The following NRROS variants were observed in gnomAD, a reference collection of about 807,000 sequenced individuals.
The protein encoded by NRROS is transforming growth factor beta activator LRRC33.
A neutral mutation model predicts 12.0 loss-of-function variants in NRROS; 6 were observed. The ratio of observed to expected loss-of-function variants is 0.50; its 90% CI spans 0.27 to 0.98. The LOEUF is 0.98. Among genes scored for constraint, NRROS ranks in the 50% least tolerant of loss-of-function variants. The pLI, the probability that NRROS is intolerant of heterozygous loss-of-function variation, is 0.11. For synonymous variants in NRROS, 462 were observed against 410.2 expected (o/e 1.13, Z -1.53); for missense variants, 857 against 888.2 (o/e 0.96, Z 0.45).
intron 1 of NRROS, among the ~76,000 whole-genome samples, chr3:196,648,766 CAAAAAAAAAA>C (rs34359599): frequency 2.7e-5 from 2 of 74,814 alleles, no homozygotes; most frequent in Non-Finnish European, 2.4e-5. Flanking sequence ...AACTCCATCT[CAAAAAAAAAA>C]AAAAAAAAAA....
intron 1 of NRROS, among the ~76,000 whole-genome samples, chr3:196,640,551 C>T (rs1268401990): frequency 6.6e-6 from 1 of 151,968 alleles, no homozygotes; most frequent in Non-Finnish European, 1.5e-5. Context: ...AGACTTAGAT[C>T]CATGGCTTAT....
chr3:196,641,171 A>T (rs1420047962), intron 1 of NRROS, among the ~76,000 whole-genome samples: 1 of 144,316 alleles, frequency 6.9e-6, no homozygotes, highest in Non-Finnish European at 1.5e-5. Context: ...AAAACAAAAC[A>T]AACTCAGCTT....
chr3:196,654,440 T>C lies in NRROS; in HGVS notation c.-13-87T>C. 2.5e-6 allele frequency: 2 copies of C among 813,196 alleles called. No individual in the cohort carries two copies. Among genetic ancestry groups the C allele is most frequent in the Admixed American group, 1.8e-5 (1 of 55,914 alleles). The allele number at this position is 813,196 out of a possible 1,614,324, so 50.4% of individuals were successfully genotyped here. On this transcript the variant is annotated intron_variant, in intron 1 of 2. Transcript: ENST00000328557. The surrounding 1 kb of genome is among the most constrained non-coding windows in gnomAD (Gnocchi z 4.4). ...CACAGAGCTCCAAGACCACATAGAATTGGAACTGGCTCCTTCTGCCGATAA... is the reference window on the plus strand; with the variant it reads ...CACAGAGCTCCAAGACCACATAGAACTGGAACTGGCTCCTTCTGCCGATAA...
At chr3:196,644,769 C>CAAAAAAAA (rs57304721) in intron 1 of NRROS, among the ~76,000 whole-genome samples, 1 of 109,204 alleles carries the variant, frequency 9.2e-6, no homozygotes, top group Non-Finnish European at 1.8e-5. Context: ...GAGACTCTGT[C>CAAAAAAAA]AAAAAAAAAA....
intron 1 of NRROS, among the ~76,000 whole-genome samples, chr3:196,640,156 C>T (rs549621406): frequency 6.6e-6 from 1 of 152,334 alleles, no homozygotes; most frequent in Non-Finnish European, 1.5e-5. Context: ...CAGATTCAGA[C>T]GTGGGTTTGA....
At position 196,643,245 on chromosome 3, in the gene NRROS, C is replaced by T. The variant is rs566264072; in HGVS notation, c.-14+3370C>T. On this transcript the variant is annotated intron_variant, in intron 1 of 2. Coordinates refer to ENST00000328557, the MANE Select transcript of NRROS (RefSeq NM_198565.3). ...GTGAGTAGGCGAAACCAACCAATTT[C>T]CAGAGCGAACGGAGTCAGGTGCTGA... Among the ~76,000 whole-genome samples the T allele has an allele frequency of 2.2e-3, 336 of 152,284 alleles. 1 individual carries two copies. Among genetic ancestry groups the T allele is most frequent in the Non-Finnish European group, 3.5e-3 (235 of 68,034 alleles).
Position 196,660,569 on chromosome 3 carries a change from A to G in NRROS, c.926A>G (p.Asn309Ser). Residue 309 changes from asparagine to serine, a missense_variant, in exon 3 of 3, where the codon AAC becomes AGC. Coordinates refer to ENST00000328557, the MANE Select transcript of NRROS (RefSeq NM_198565.3). The surrounding 1 kb of genome is among the most constrained non-coding windows in gnomAD (Gnocchi z 7.7). ...MVAQFLLVDG[N>S]VTNITTVSLW... The stretch of plus-strand genomic sequence containing the variant: ...GCCCAGTTCCTCCTCGTGGACGGCA[A>G]CGTGACCAACATCACCACCGTCAGC... 2 of 1,614,150 alleles carry G rather than the reference A, an allele frequency of 1.2e-6. No homozygotes were observed. The highest frequency in any genetic ancestry group is 1.7e-6 in the Non-Finnish European group (2 of 1,180,018).
At chr3:196,648,219 C>T (rs6807051) in intron 1 of NRROS, among the ~76,000 whole-genome samples, 4 of 152,096 alleles carry the variant, frequency 2.6e-5, no homozygotes, top group Admixed American at 6.6e-5. Flanking sequence ...CTAAATTTAC[C>T]GAGTAGTAAT....
chr3:196,647,265 C>A (rs561262150), intron 1 of NRROS, among the ~76,000 whole-genome samples: 1 of 152,292 alleles, frequency 6.6e-6, no homozygotes, highest in East Asian at 1.9e-4. Context: ...GATAAATTGG[C>A]TAAATTGTTC....
chr3:196,646,121 G>A (rs1047584848), intron 1 of NRROS, among the ~76,000 whole-genome samples: 1 of 128,996 alleles, frequency 7.8e-6, no homozygotes, highest in African/African-American at 3.5e-5. Flanking sequence ...ATTCAGTCTC[G>A]ACACAACCCT....
chr3:196,650,807 T>C (rs1303134852), intron 1 of NRROS, among the ~76,000 whole-genome samples: 1 of 152,240 alleles, frequency 6.6e-6, no homozygotes, highest in African/African-American at 2.4e-5. Flanking sequence ...AGGTTGGCTA[T>C]GGAGTAGACT....
Position 196,654,729 on chromosome 3 carries a change from C to A in NRROS, c.108+82C>A. On this transcript the variant is annotated intron_variant, in intron 2 of 2. Coordinates refer to ENST00000328557, the MANE Select transcript of NRROS (RefSeq NM_198565.3). This position sits in a 1 kb window ranked among gnomAD's most constrained non-coding sequence, Gnocchi z 4.4. The stretch of plus-strand genomic sequence containing the variant: ...CCATTTGGAAAGCTGACAGATTGTC[C>A]ATCAGGAAGGGCAGAGAATGAAGGA... 1 of 857,000 alleles carries A rather than the reference C, an allele frequency of 1.2e-6. No homozygotes were observed. Among genetic ancestry groups the A allele is most frequent in the Non-Finnish European group, 1.9e-6 (1 of 533,120 alleles). The allele number at this position is 857,000 out of a possible 1,614,324, so 53.1% of individuals were successfully genotyped here.
At chr3:196,643,864 C>A (rs1261790268) in intron 1 of NRROS, among the ~76,000 whole-genome samples, 3 of 152,180 alleles carry the variant, frequency 2.0e-5, no homozygotes, top group African/African-American at 7.2e-5. Context: ...TTCCCTCGGC[C>A]CTGCAGTGTC....
intron 1 of NRROS, among the ~76,000 whole-genome samples, chr3:196,644,788 A>AAAAG: frequency 7.6e-6 from 1 of 132,442 alleles, no homozygotes; most frequent in Non-Finnish European, 1.6e-5. Context: ...AAAAAAAAAA[A>AAAAG]AAAGAAAGAA....
chr3:196,648,184 G>GA (rs1294862289), intron 1 of NRROS, among the ~76,000 whole-genome samples: 4 of 152,088 alleles, frequency 2.6e-5, no homozygotes, highest in African/African-American at 9.7e-5. Context: ...AAAACTTACA[G>GA]AAAAGTTTAC....
At chr3:196,659,657 G>C in intron 2 of NRROS, 95 bp from the exon 3 acceptor site, 1 of 1,273,046 alleles carries the variant, frequency 7.9e-7, no homozygotes, top group South Asian at 1.5e-5. Flanking sequence ...ATCCCCGGCG[G>C]TTGCAGGGAC....
In NRROS at chr3:196,660,826, C is replaced by G. The variant is rs150316796; in HGVS notation, c.1183C>G (p.Pro395Ala). The change falls in exon 3 of 3, where the codon CCG (proline) becomes GCG (alanine). Residue 395 changes from proline to alanine, a missense_variant. By Grantham distance (27) the Pro-to-Ala change is conservative. Transcript: ENST00000328557. The surrounding 1 kb of genome is among the most constrained non-coding windows in gnomAD (Gnocchi z 7.7). The stretch of plus-strand genomic sequence containing the variant: ...CCAGCTGTCGGAGCTGCACCTGGCT[C>G]CGGGGCTGGCCAGCTGCCTGGGCAG... ...HNQLSELHLA[P>A]GLASCLGSLR... The G allele has an allele frequency of 2.4e-4, 393 of 1,613,542 alleles. No individual in the cohort carries two copies. The highest frequency in any genetic ancestry group is 3.8e-4 in the Admixed American group (23 of 60,006).
At position 196,660,552 on chromosome 3, in the gene NRROS, C is replaced by T; in HGVS notation, c.909C>T (p.Phe303=). 1.2e-6 allele frequency: 2 copies of T among 1,614,144 alleles called. No homozygotes were observed. The highest frequency in any genetic ancestry group is 1.7e-6 in the Non-Finnish European group (2 of 1,180,036). The change falls in exon 3 of 3, where the codon TTC becomes TTT. Residue 303 remains phenylalanine, a synonymous_variant. Transcript: ENST00000328557. This position sits in a 1 kb window ranked among gnomAD's most constrained non-coding sequence, Gnocchi z 7.7. The part of the protein sequence containing the change: ...TSSPREMVAQ[F]LLVDGNVTNI... ...CGCCGAGGGAGATGGTGGCCCAGTTCCTCCTCGTGGACGGCAACGTGACCA... is the reference window on the plus strand; with the variant it reads ...CGCCGAGGGAGATGGTGGCCCAGTTTCTCCTCGTGGACGGCAACGTGACCA...
chr3:196,657,397 G>A (rs994178756), intron 2 of NRROS, among the ~76,000 whole-genome samples: 5 of 151,780 alleles, frequency 3.3e-5, no homozygotes, highest in African/African-American at 4.8e-5. Context: ...GAGTCCACAC[G>A]CAGGGAGGAG....
Sources: gnomAD v4.1 joint callset for allele counts (sites outside exome capture counted in the v4.1 genomes callset) on GRCh38, gnomAD v4.1.1 for gene constraint, Gnocchi (gnomAD v3.1) non-coding constraint, MANE v1.5 for transcripts, NCBI Gene and HGNC (gene_info 2026-07-23, HGNC 2026-07-21) for gene names.